The following PDK1 variants were observed in gnomAD, a reference collection of about 807,000 sequenced individuals.
PDK1 encodes the protein pyruvate dehydrogenase kinase 1, also known as [Pyruvate dehydrogenase (acetyl-transferring)] kinase isozyme 1, mitochondrial.
In PDK1, 39 loss-of-function variants were observed where a neutral mutation model predicts 54.2. That is an observed-to-expected ratio of 0.72 (90% CI 0.56 to 0.94). The LOEUF (loss-of-function observed/expected upper bound fraction) is 0.94, where lower values mean the gene tolerates loss of function less well. Among genes scored for constraint, PDK1 ranks in the 40% least tolerant of loss-of-function variants. PDK1 has a pLI of 0.00. For missense variants in PDK1, 552 were observed against 566.0 expected, an observed-to-expected ratio of 0.98 and a Z score of 0.25; for synonymous variants, 221 against 207.1, an observed-to-expected ratio of 1.07 and a Z score of -0.58.
chr2:172,631,778 A>G, the PDK1 span, among the ~76,000 whole-genome samples: 1 of 152,192 alleles, frequency 6.6e-6, no homozygotes, highest in Non-Finnish European at 1.5e-5. Flanking sequence ...TTTAGCTGTC[A>G]ATATCAACCC....
the PDK1 span, among the ~76,000 whole-genome samples, chr2:172,668,755 A>G: frequency 4.8e-5 from 7 of 147,302 alleles, no homozygotes; most frequent in Non-Finnish European, 8.9e-5. Flanking sequence ...TATTAAATAT[A>G]TATATATTTT....
At position 172,592,928 on chromosome 2, in the gene PDK1, C is replaced by G. The variant is rs769786405; in HGVS notation, c.1057-7C>G. 3.8e-6 allele frequency: 6 copies of G among 1,565,734 alleles called. No individual in the cohort carries two copies. The East Asian group carries it at 1.3e-4, about 35-fold the overall frequency. Reference sequence around the variant, plus strand: ...CTGAATAGAATTTTGTTTTTCTCATCAAACAGGCTGGTTTTGGTTATGGAT... The same window carrying G: ...CTGAATAGAATTTTGTTTTTCTCATGAAACAGGCTGGTTTTGGTTATGGAT... On this transcript the variant is annotated splice_polypyrimidine_tract_variant and splice_region_variant and intron_variant, in intron 9 of 10. Coordinates refer to ENST00000282077, the MANE Select transcript of PDK1 (RefSeq NM_002610.5).
chr2:172,615,757 A>G, the PDK1 span, among the ~76,000 whole-genome samples: 1 of 152,244 alleles, frequency 6.6e-6, no homozygotes, highest in East Asian at 1.9e-4. Context: ...AGAATCAGTT[A>G]TTGGTCAGTT....
the PDK1 span, among the ~76,000 whole-genome samples, chr2:172,683,344 CA>C: frequency 0.75 from 97,005 of 129,870 alleles, 35,867 homozygotes; most frequent in Non-Finnish European, 0.78. Context: ...GAAACTCCGT[CA>C]AAAAAAAAAA....
the PDK1 span, among the ~76,000 whole-genome samples, chr2:172,679,414 T>A: frequency 2.6e-5 from 4 of 151,998 alleles, no homozygotes; most frequent in Non-Finnish European, 5.9e-5. Flanking sequence ...ACTATTGTCA[T>A]CCAGCCTGGG....
chr2:172,593,236 C>T (rs1291815120), intron 10 of PDK1, among the ~76,000 whole-genome samples, 188 bp downstream of exon 10: 2 of 152,046 alleles, frequency 1.3e-5, no homozygotes, highest in Non-Finnish European at 2.9e-5. Flanking sequence ...GATTTGTATC[C>T]TGGAGTGATT....
At chr2:172,704,846 T>C in the PDK1 span, among the ~76,000 whole-genome samples, 27,335 of 152,194 alleles carry the variant, frequency 0.18, 2,863 homozygotes, top group African/African-American at 0.28. Context: ...AAGGAAGTTC[T>C]AGAAACTTTT....
the PDK1 span, among the ~76,000 whole-genome samples, chr2:172,633,864 A>T: frequency 4.6e-5 from 4 of 86,340 alleles, no homozygotes; most frequent in South Asian, 3.8e-4. Context: ...TCTTTAGTCT[A>T]TGATTTTTTT....
chr2:172,566,838 T>G lies in PDK1; in HGVS notation c.692-18T>G. On this transcript the variant is annotated intron_variant, in intron 5 of 10. Coordinates refer to ENST00000282077, the MANE Select transcript of PDK1 (RefSeq NM_002610.5). ...ATATTTATTAAATCCTTTTTTGTTT[T>G]GTTTTGATTCACACTAGATGGCTAT... 6.4e-7 allele frequency: 1 copy of G among 1,555,930 alleles called. No homozygotes were observed. Among genetic ancestry groups the G allele is most frequent in the Non-Finnish European group, 8.8e-7 (1 of 1,132,390 alleles).
the PDK1 span, among the ~76,000 whole-genome samples, chr2:172,664,910 C>T: frequency 2.0e-5 from 3 of 152,090 alleles, no homozygotes; most frequent in Non-Finnish European, 4.4e-5. Flanking sequence ...GTTATAGCTG[C>T]ATATGGACTT....
At position 172,608,659 on chromosome 2, in the gene PDK1, G is replaced by A. The variant is rs1165613636; in HGVS notation, c.*12690G>A. 1 of 151,956 alleles carries A rather than the reference G, an allele frequency of 6.6e-6. No individual in the cohort carries two copies. Among genetic ancestry groups the A allele is most frequent in the African/African-American group, 2.4e-5 (1 of 41,356 alleles). 9.4% of individuals were successfully genotyped at this position (151,956 alleles called of 1,614,324 possible). On this transcript the variant is annotated 3_prime_UTR_variant, in exon 11 of 11. Transcript: ENST00000282077. ...CTTCTGTTTGATTAAAATCCTGCAT[G>A]TTCTCCTGCATCATATGTCACTCAT...
chr2:172,642,278 A>G, the PDK1 span, among the ~76,000 whole-genome samples: 56 of 152,320 alleles, frequency 3.7e-4, 1 homozygote, highest in South Asian at 0.012. Context: ...TTTGTTGTGC[A>G]AATGGCTTAC....
the PDK1 span, among the ~76,000 whole-genome samples, chr2:172,634,421 C>T: frequency 1.3e-5 from 2 of 151,730 alleles, no homozygotes; most frequent in Non-Finnish European, 1.5e-5. Context: ...TACAGGTGCG[C>T]ACCATCATGC....
chr2:172,595,282 C>A (rs1690828154), intron 10 of PDK1, among the ~76,000 whole-genome samples: 1 of 152,060 alleles, frequency 6.6e-6, no homozygotes, highest in Admixed American at 6.6e-5. Flanking sequence ...GTTGCCCAGG[C>A]TGGTCTCCAA....
At chr2:172,700,325 G>A in the PDK1 span, among the ~76,000 whole-genome samples, 2 of 149,642 alleles carry the variant, frequency 1.3e-5, no homozygotes, top group Non-Finnish European at 1.5e-5. Flanking sequence ...CTTCCCAGAC[G>A]GGGCGGCCGG....
At chr2:172,581,433 T>C (rs1179115658) in intron 8 of PDK1, among the ~76,000 whole-genome samples, 2 of 152,208 alleles carry the variant, frequency 1.3e-5, no homozygotes, top group African/African-American at 2.4e-5. Context: ...TAAAATAAAA[T>C]AGGCTTGTAA....
At chr2:172,650,077 G>A in the PDK1 span, among the ~76,000 whole-genome samples, 1 of 152,148 alleles carries the variant, frequency 6.6e-6, no homozygotes, top group Non-Finnish European at 1.5e-5. Context: ...AATGTTAAGG[G>A]AAGCCAGAGA....
At chr2:172,643,122 A>G in the PDK1 span, among the ~76,000 whole-genome samples, 2 of 152,120 alleles carry the variant, frequency 1.3e-5, no homozygotes, top group Non-Finnish European at 2.9e-5. Context: ...CTTCAATTAA[A>G]CTGTAGTTCT....
chr2:172,644,663 T>C, the PDK1 span, among the ~76,000 whole-genome samples: 1 of 152,348 alleles, frequency 6.6e-6, no homozygotes, highest in East Asian at 1.9e-4. Flanking sequence ...AGCCGCAGGA[T>C]AAATACAACT....
Sources: allele counts gnomAD v4.1 joint callset (sites outside exome capture counted in the v4.1 genomes callset), GRCh38; gene constraint gnomAD v4.1.1; transcripts MANE v1.5; gene names NCBI Gene and HGNC (gene_info 2026-07-23, HGNC 2026-07-21).